Variants in ADAMTS3 observed in about 807,000 individuals in gnomAD.
ADAMTS3 encodes ADAM metallopeptidase with thrombospondin type 1 motif 3, also known as A disintegrin and metalloproteinase with thrombospondin motifs 3.
In ADAMTS3, 73 loss-of-function variants were observed where a neutral mutation model predicts 129.0. That is an observed-to-expected ratio of 0.57 (90% confidence interval 0.47 to 0.69). The LOEUF (loss-of-function observed/expected upper bound fraction) is 0.69. Ranked by LOEUF, ADAMTS3 falls within the 30% of genes least tolerant of loss-of-function variation. The probability of loss-of-function intolerance (pLI) is 0.00; values close to 1 mark genes in which losing one functional copy is unlikely to be tolerated. For missense variants in ADAMTS3, 1,457 were observed against 1,514.5 expected (o/e 0.96, Z 0.63); for synonymous variants, 477 against 510.8 (o/e 0.93, Z 0.89).
chr4:72,553,660 T>C (rs1035652362), intron 2 of ADAMTS3, among the ~76,000 whole-genome samples: 2 of 152,140 alleles, frequency 1.3e-5, no homozygotes, highest in African/African-American at 4.8e-5. Context: ...TTGGGAAGTC[T>C]GGGAAGCATA....
intron 3 of ADAMTS3, among the ~76,000 whole-genome samples, chr4:72,505,817 C>T (rs1274696358): frequency 6.6e-6 from 1 of 151,768 alleles, no homozygotes; most frequent in Non-Finnish European, 1.5e-5. Context: ...GCAGAGAGGA[C>T]CATCCTGCAC....
chr4:72,355,064 T>C (rs1475438569), intron 4 of ADAMTS3, among the ~76,000 whole-genome samples: 2 of 151,544 alleles, frequency 1.3e-5, no homozygotes, highest in Admixed American at 1.3e-4. Flanking sequence ...CTAACTAAAC[T>C]ATATATCTCT....
At chr4:72,379,162 C>T (rs755117076) in intron 4 of ADAMTS3, among the ~76,000 whole-genome samples, 7 of 152,246 alleles carry the variant, frequency 4.6e-5, no homozygotes, top group Non-Finnish European at 7.4e-5. Context: ...AGCATATTCA[C>T]AGGCTCTGCC....
chr4:72,308,503 T>C (rs1719146792), intron 15 of ADAMTS3, among the ~76,000 whole-genome samples: 1 of 152,010 alleles, frequency 6.6e-6, no homozygotes. Flanking sequence ...CATGATTTTA[T>C]AAGATACCAA....
intron 4 of ADAMTS3, among the ~76,000 whole-genome samples, chr4:72,364,967 T>C (rs1208625261): frequency 2.6e-5 from 4 of 152,208 alleles, no homozygotes; most frequent in Non-Finnish European, 5.9e-5. Context: ...TTTCTGTTTG[T>C]TTTGCTTCCC....
In ADAMTS3 at chr4:72,281,105, A is replaced by T. The variant is rs574550994; in HGVS notation, c.*2031T>A. The T allele has an allele frequency of 6.5e-6, 1 of 152,730 alleles. No individual in the cohort carries two copies. Among genetic ancestry groups the T allele is most frequent in the East Asian group, 1.9e-4 (1 of 5,180 alleles). 9.5% of individuals were successfully genotyped at this position (152,730 alleles called of 1,614,324 possible). A position where few individuals can be genotyped will look rare whatever the true frequency, so the allele number is the denominator to read the frequency against. On this transcript the variant is annotated 3_prime_UTR_variant, in exon 22 of 22. Transcript: ENST00000286657. ...GGTCAGAAGTATAATGAATATGTAC[A>T]TCTTTATGGAAACTGTTTGTGTGAC...
chr4:72,312,439 A>G lies in ADAMTS3; in HGVS notation c.1773T>C (p.Pro591=), dbSNP rs768976424. ...PMPINGGQDC[P]GVNFEYQLCN... ...AAAGCTGGTACTCAAAATTAACACCAGGACAATCCTGACCACCATTGATGG... is the reference window on the plus strand; with the variant it reads ...AAAGCTGGTACTCAAAATTAACACCGGGACAATCCTGACCACCATTGATGG... Residue 591 remains proline, a synonymous_variant, in exon 13 of 22, where the codon CCT becomes CCC. Coordinates refer to ENST00000286657, the MANE Select transcript of ADAMTS3 (RefSeq NM_014243.3). 7 of 1,613,570 alleles carry G rather than the reference A, an allele frequency of 4.3e-6. No individual in the cohort carries two copies. Among genetic ancestry groups the G allele is most frequent in the African/African-American group, 1.3e-5 (1 of 75,038 alleles).
At chr4:72,513,166 T>C (rs186273567) in intron 3 of ADAMTS3, among the ~76,000 whole-genome samples, 8 of 152,348 alleles carry the variant, frequency 5.3e-5, no homozygotes, top group Admixed American at 1.3e-4. Context: ...GCACATCCTG[T>C]TGACAGTTCA....
At chr4:72,427,965 A>G (rs1399698425) in intron 3 of ADAMTS3, among the ~76,000 whole-genome samples, 4 of 152,088 alleles carry the variant, frequency 2.6e-5, no homozygotes, top group Admixed American at 6.6e-5. Context: ...GTGAAAGAAA[A>G]TGAAGTTTAA....
chr4:72,487,603 C>T (rs1035517631), intron 3 of ADAMTS3, among the ~76,000 whole-genome samples: 2 of 152,108 alleles, frequency 1.3e-5, no homozygotes, highest in Non-Finnish European at 2.9e-5. Context: ...AGTCTTATAT[C>T]GGTTAGTGAC....
chr4:72,415,009 A>G, intron 3 of ADAMTS3, 38 bp from the exon 4 acceptor site: 1 of 1,345,086 alleles, frequency 7.4e-7, no homozygotes, highest in Middle Eastern at 2.0e-4. Context: ...TAAAAAAGAA[A>G]TATCTATCAT....
At chr4:72,454,368 A>G (rs1280818897) in intron 3 of ADAMTS3, among the ~76,000 whole-genome samples, 1 of 151,718 alleles carries the variant, frequency 6.6e-6, no homozygotes, top group Non-Finnish European at 1.5e-5. Flanking sequence ...AAAATATAAT[A>G]ATTTGTGTAA....
chr4:72,335,300 T>C (rs531122901), intron 5 of ADAMTS3, among the ~76,000 whole-genome samples: 2 of 152,166 alleles, frequency 1.3e-5, no homozygotes, highest in Non-Finnish European at 2.9e-5. Flanking sequence ...CAGATTTGCA[T>C]GGCAACACCT....
chr4:72,310,495 A>T (rs955982728), intron 14 of ADAMTS3, among the ~76,000 whole-genome samples: 4 of 152,100 alleles, frequency 2.6e-5, no homozygotes, highest in Non-Finnish European at 5.9e-5. Context: ...AGTTAATAAG[A>T]TAATTTCATA....
rs894459463 is a variant in ADAMTS3, at chr4:72,423,122, C to G, written c.505-8151G>C. Reference sequence around the variant, plus strand: ...GTTTTATTGCAGTTCTTCTCAGATCCGCTAAGGAAAGAGAATAGAGATGGG... The same window carrying G: ...GTTTTATTGCAGTTCTTCTCAGATCGGCTAAGGAAAGAGAATAGAGATGGG... On this transcript the variant is annotated intron_variant, in intron 3 of 21. Coordinates refer to ENST00000286657, the MANE Select transcript of ADAMTS3 (RefSeq NM_014243.3). Among the ~76,000 whole-genome samples, 4 of 152,070 alleles carry G rather than the reference C, an allele frequency of 2.6e-5. No individual in the cohort carries two copies. The East Asian group carries it at 5.8e-4, about 22-fold the overall frequency.
At chr4:72,518,513 G>T (rs1049931597) in intron 3 of ADAMTS3, among the ~76,000 whole-genome samples, 5 of 151,962 alleles carry the variant, frequency 3.3e-5, no homozygotes, top group Admixed American at 6.6e-5. Flanking sequence ...TTATGAATCT[G>T]GGTGCTCCTG....
chr4:72,354,234 G>A (rs1367631448), intron 4 of ADAMTS3, among the ~76,000 whole-genome samples: 2 of 151,882 alleles, frequency 1.3e-5, no homozygotes, highest in East Asian at 3.9e-4. Context: ...AATTTAATAA[G>A]AAGTGTCATC....
intron 3 of ADAMTS3, among the ~76,000 whole-genome samples, chr4:72,424,050 C>T (rs1479070259): frequency 1.3e-5 from 2 of 152,024 alleles, no homozygotes; most frequent in Non-Finnish European, 2.9e-5. Flanking sequence ...GTTAACTGTG[C>T]TGATGCCTGG....
At chr4:72,563,542 T>C (rs1240109320) in intron 2 of ADAMTS3, among the ~76,000 whole-genome samples, 2 of 152,128 alleles carry the variant, frequency 1.3e-5, no homozygotes, top group Non-Finnish European at 2.9e-5. Flanking sequence ...AAACTGCACA[T>C]AGAATTCAAT....
Sources: gnomAD v4.1 joint callset for allele counts (sites outside exome capture counted in the v4.1 genomes callset) on GRCh38, gnomAD v4.1.1 for gene constraint, MANE v1.5 for transcripts, NCBI Gene and HGNC (gene_info 2026-07-23, HGNC 2026-07-21) for gene names.